Variants in STK39 observed in about 807,000 individuals in gnomAD.
STK39 encodes the protein serine/threonine kinase 39.
Under a neutral mutation model 77.8 loss-of-function variants are expected in STK39, and 20 were observed. That is an observed-to-expected ratio of 0.26 (90% CI 0.18 to 0.37). The LOEUF (loss-of-function observed/expected upper bound fraction) is 0.37. Ranked by LOEUF, STK39 falls within the 10% of genes least tolerant of loss-of-function variation. The pLI, the probability that STK39 is intolerant of heterozygous loss-of-function variation, is 1.00. For missense variants in STK39, 479 were observed against 656.5 expected (o/e 0.73, Z 2.95); for synonymous variants, 246 against 234.1 (o/e 1.05, Z -0.47).
chr2:168,243,117 C>T (rs1690812806), intron 1 of STK39, among the ~76,000 whole-genome samples: 1 of 152,160 alleles, frequency 6.6e-6, no homozygotes, highest in Admixed American at 6.5e-5. Context: ...TCAGAACACA[C>T]TCAGTGCTCC....
intron 1 of STK39, among the ~76,000 whole-genome samples, chr2:168,212,947 GC>G (rs1397404469): frequency 6.6e-6 from 1 of 152,184 alleles, no homozygotes; most frequent in Non-Finnish European, 1.5e-5. Flanking sequence ...CTCCAGGATA[GC>G]CATTATGGAG....
chr2:167,981,028 C>T (rs1017942795), intron 16 of STK39, among the ~76,000 whole-genome samples: 7 of 151,146 alleles, frequency 4.6e-5, no homozygotes, highest in East Asian at 1.9e-4. Context: ...ACTAAGACTT[C>T]ACACTACGTT....
intron 14 of STK39, among the ~76,000 whole-genome samples, chr2:168,018,546 G>GAAAAGAAAGA (rs374817786): frequency 1.8e-5 from 2 of 109,314 alleles, no homozygotes; most frequent in Non-Finnish European, 3.9e-5. Flanking sequence ...AGAAAAGAAA[G>GAAAAGAAAGA]AAAGAAAGAA....
chr2:168,141,978 C>T (rs1288132557), intron 5 of STK39, among the ~76,000 whole-genome samples: 1 of 152,182 alleles, frequency 6.6e-6, no homozygotes, highest in East Asian at 1.9e-4. Context: ...ATACTCCCAA[C>T]AGGATTTCAA....
chr2:168,243,301 G>A (rs1319108213), intron 1 of STK39, among the ~76,000 whole-genome samples: 1 of 152,206 alleles, frequency 6.6e-6, no homozygotes, highest in Non-Finnish European at 1.5e-5. Context: ...AGAGGCTGTT[G>A]CTCCTTAAAG....
intron 16 of STK39, among the ~76,000 whole-genome samples, chr2:167,977,747 T>C (rs1033618208): frequency 1.3e-5 from 2 of 151,952 alleles, no homozygotes; most frequent in Non-Finnish European, 2.9e-5. Flanking sequence ...GGGGAGAGGG[T>C]GTATGGCTGT....
chr2:168,062,037 T>C (rs1685679242), intron 14 of STK39, among the ~76,000 whole-genome samples: 1 of 152,174 alleles, frequency 6.6e-6, no homozygotes, highest in African/African-American at 2.4e-5. Context: ...GGGGCCATCA[T>C]GGAGAAAACG....
chr2:168,196,497 T>C (rs1689472523), intron 1 of STK39, among the ~76,000 whole-genome samples: 1 of 152,142 alleles, frequency 6.6e-6, no homozygotes. Flanking sequence ...ACACCATCTC[T>C]ACTAAAAATA....
chr2:168,203,488 G>A (rs906699557), intron 1 of STK39, among the ~76,000 whole-genome samples: 3 of 152,196 alleles, frequency 2.0e-5, no homozygotes, highest in Admixed American at 6.5e-5. Flanking sequence ...TTTTGCCTTG[G>A]TCATATAAAG....
intron 1 of STK39, among the ~76,000 whole-genome samples, chr2:168,216,229 T>A (rs1690021999): frequency 6.6e-6 from 1 of 151,998 alleles, no homozygotes; most frequent in African/African-American, 2.4e-5. Context: ...CAGAGGTACA[T>A]GGAAGGTAAG....
intron 10 of STK39, among the ~76,000 whole-genome samples, chr2:168,092,870 T>C (rs1376293707): frequency 6.6e-6 from 1 of 152,082 alleles, no homozygotes; most frequent in African/African-American, 2.4e-5. Flanking sequence ...CGGAAGAGAA[T>C]CAGTTCTTGA....
chr2:168,019,263 C>G (rs1051547729), intron 14 of STK39, among the ~76,000 whole-genome samples: 11 of 152,186 alleles, frequency 7.2e-5, no homozygotes, highest in African/African-American at 2.7e-4. Flanking sequence ...TTCGGTTACC[C>G]ATGTCAGTAT....
intron 14 of STK39, among the ~76,000 whole-genome samples, chr2:168,027,699 G>T (rs1684735730): frequency 6.6e-6 from 1 of 152,126 alleles, no homozygotes; most frequent in African/African-American, 2.4e-5. Context: ...TAAAGAATTT[G>T]GCCTCACACA....
At chr2:168,232,687 C>A (rs1011638433) in intron 1 of STK39, among the ~76,000 whole-genome samples, 1 of 152,044 alleles carries the variant, frequency 6.6e-6, no homozygotes, top group African/African-American at 2.4e-5. Flanking sequence ...CCGAGGCAGG[C>A]AAATCACGAG....
At chr2:168,097,943 G>A (rs1686715045) in intron 10 of STK39, among the ~76,000 whole-genome samples, 1 of 152,096 alleles carries the variant, frequency 6.6e-6, no homozygotes, top group South Asian at 2.1e-4. Context: ...CACACAAATT[G>A]GTATTACAGA....
intron 1 of STK39, among the ~76,000 whole-genome samples, chr2:168,203,459 GA>G (rs138029489): frequency 0.024 from 3,558 of 147,570 alleles, 89 homozygotes; most frequent in East Asian, 0.079. Flanking sequence ...GAAGACAAAA[GA>G]AAAAAAAAAC....
intron 16 of STK39, among the ~76,000 whole-genome samples, chr2:167,986,815 G>T (rs16854472): frequency 0.037 from 5,582 of 152,208 alleles, 365 homozygotes; most frequent in African/African-American, 0.13. Flanking sequence ...TTTGTAGGAG[G>T]ATGTGGAGAA....
At chr2:168,111,650 G>A (rs1398767604) in intron 10 of STK39, among the ~76,000 whole-genome samples, 3 of 152,090 alleles carry the variant, frequency 2.0e-5, no homozygotes, top group Non-Finnish European at 2.9e-5. Flanking sequence ...ACAGCGAGGG[G>A]AAAAATAGTC....
intron 10 of STK39, among the ~76,000 whole-genome samples, chr2:168,088,242 AG>A (rs1686422897): frequency 6.6e-6 from 1 of 152,234 alleles, no homozygotes; most frequent in South Asian, 2.1e-4. Flanking sequence ...GTCACTACCA[AG>A]GGGGTTCCTT....
Sources: allele counts gnomAD v4.1 joint callset (sites outside exome capture counted in the v4.1 genomes callset), GRCh38; gene constraint gnomAD v4.1.1; transcripts MANE v1.5; gene names NCBI Gene and HGNC (gene_info 2026-07-23, HGNC 2026-07-21).